The following LANCL3 variants were observed in gnomAD, a reference collection of about 807,000 sequenced individuals.
LANCL3 encodes the protein LanC like family member 3.
In LANCL3, 19 loss-of-function variants were observed where a neutral mutation model predicts 26.5. The ratio of observed to expected loss-of-function variants is 0.72; its 90% CI spans 0.50 to 1.05. The LOEUF is 1.05. Among genes scored for constraint, LANCL3 ranks in the 50% least tolerant of loss-of-function variants. The pLI is 0.00. For missense variants in LANCL3, 318 were observed against 362.7 expected (o/e 0.88, Z 1.00); for synonymous variants, 160 against 166.6 (o/e 0.96, Z 0.30).
chrX:37,571,674 G>C lies in LANCL3; in HGVS notation c.-197G>C. 2.7e-6 allele frequency: 1 copy of C among 374,081 alleles called. No homozygotes were observed. 30.8% of individuals were successfully genotyped at this position (374,081 alleles called of 1,213,427 possible). A position where few individuals can be genotyped will look rare whatever the true frequency, so the allele number is the denominator to read the frequency against. ...ATCGCCCGGGCCACTCGGGAGCCTC[G>C]CGGCAGCCCGGCGCCCCACTTGGCC... On this transcript the variant is annotated 5_prime_UTR_variant, in exon 1 of 5. Transcript: ENST00000378619.
intron 1 of LANCL3, among the ~76,000 whole-genome samples, chrX:37,609,582 A>G (rs999410947): frequency 3.6e-5 from 4 of 111,620 alleles, no homozygotes; most frequent in Admixed American, 9.5e-5. Context: ...TATTAAGTTT[A>G]CCCAAAGTAC....
At chrX:37,590,000 A>G (rs1325071519) in intron 1 of LANCL3, among the ~76,000 whole-genome samples, 8 of 112,114 alleles carry the variant, frequency 7.1e-5, no homozygotes, top group Admixed American at 9.4e-5. Context: ...CAGGGAAAGG[A>G]CTCTTTTCTC....
intron 3 of LANCL3, among the ~76,000 whole-genome samples, chrX:37,662,039 G>A (rs1926434425): frequency 8.9e-6 from 1 of 112,323 alleles, no homozygotes; most frequent in African/African-American, 3.2e-5. Flanking sequence ...TCTGTGAAAT[G>A]AGCACTTTGA....
intron 1 of LANCL3, among the ~76,000 whole-genome samples, chrX:37,612,550 T>C (rs1274026086): frequency 8.9e-6 from 1 of 112,539 alleles, no homozygotes; most frequent in African/African-American, 3.2e-5. Flanking sequence ...AAGTTAACAC[T>C]TGATGTATTA....
intron 1 of LANCL3, among the ~76,000 whole-genome samples, chrX:37,629,261 T>C (rs1556423672): frequency 9.3e-6 from 1 of 107,760 alleles, no homozygotes; most frequent in African/African-American, 3.4e-5. Context: ...GAGAAGTGTC[T>C]GTTCATGTCC....
chrX:37,577,180 G>C (rs1297260607), intron 1 of LANCL3, among the ~76,000 whole-genome samples: 1 of 112,185 alleles, frequency 8.9e-6, no homozygotes, highest in Non-Finnish European at 1.9e-5. Context: ...GGTTATGGGG[G>C]GTCTAAACCC....
At chrX:37,651,093 T>A (rs1421482994) in intron 1 of LANCL3, among the ~76,000 whole-genome samples, 1 of 111,272 alleles carries the variant, frequency 9.0e-6, no homozygotes, top group Non-Finnish European at 1.9e-5. Context: ...TATTCCATGG[T>A]GTATATATGC....
In LANCL3 at chrX:37,634,955, A is replaced by G. The variant is rs200645447; in HGVS notation, c.574-20733A>G. On this transcript the variant is annotated intron_variant, in intron 1 of 4. Coordinates refer to ENST00000378619, the MANE Select transcript of LANCL3 (RefSeq NM_001170331.2). Reference sequence around the variant, plus strand: ...TATTCTTAAAACTCTATGGAATTATATACAAAAATTATAGGAATAAAAATA... The same window carrying G: ...TATTCTTAAAACTCTATGGAATTATGTACAAAAATTATAGGAATAAAAATA... Among the ~76,000 whole-genome samples, 8 of 111,115 alleles carry G rather than the reference A, an allele frequency of 7.2e-5. No homozygotes were observed. The East Asian group carries it at 1.4e-3, about 19-fold the overall frequency.
intron 1 of LANCL3, among the ~76,000 whole-genome samples, chrX:37,635,875 G>T (rs1246383583): frequency 2.7e-5 from 3 of 110,317 alleles, no homozygotes; most frequent in Non-Finnish European, 3.8e-5. Flanking sequence ...GTGTGTCACG[G>T]GGGGTTTGGT....
intron 1 of LANCL3, among the ~76,000 whole-genome samples, chrX:37,642,076 G>A (rs919255210): frequency 8.9e-6 from 1 of 111,895 alleles, no homozygotes. Flanking sequence ...TCTACTCTTT[G>A]TCCCTGGGCT....
intron 1 of LANCL3, among the ~76,000 whole-genome samples, chrX:37,608,277 G>A (rs1269118388): frequency 1.8e-5 from 2 of 111,978 alleles, no homozygotes; most frequent in Non-Finnish European, 3.8e-5. Context: ...TAAGGCAGTG[G>A]TTCTCACAAT....
chrX:37,593,323 T>C (rs1219148402), intron 1 of LANCL3, among the ~76,000 whole-genome samples: 1 of 111,506 alleles, frequency 9.0e-6, no homozygotes, highest in East Asian at 2.8e-4. Context: ...GCTCAATGAA[T>C]ATTGATTTAG....
intron 1 of LANCL3, among the ~76,000 whole-genome samples, chrX:37,602,516 T>TA (rs1924599947): frequency 8.9e-6 from 1 of 111,883 alleles, no homozygotes; most frequent in Non-Finnish European, 1.9e-5. Flanking sequence ...TATAGTTCTT[T>TA]AAAAAATTTT....
At chrX:37,632,152 A>T (rs371803766) in intron 1 of LANCL3, among the ~76,000 whole-genome samples, 1 of 111,888 alleles carries the variant, frequency 8.9e-6, no homozygotes, top group South Asian at 3.7e-4. Flanking sequence ...TTGGTTGCAT[A>T]TATATTTAGG....
At position 37,668,407 on chromosome X, in the gene LANCL3, G is replaced by C. The variant is rs782816061; in HGVS notation, c.1103+918G>C. The C allele has an allele frequency of 4.9e-6, 2 of 408,471 alleles. No individual in the cohort carries two copies. Among genetic ancestry groups the C allele is most frequent in the Non-Finnish European group, 8.9e-6 (2 of 224,958 alleles). The allele number at this position is 408,471 out of a possible 1,213,427, so 33.7% of individuals were successfully genotyped here. On this transcript the variant is annotated intron_variant, in intron 4 of 4. Transcript: ENST00000378619. ...ACTTGATAAAGATGGAACATCTGCT[G>C]TATACCAGACAACATTGCTTTTAAT...
In LANCL3 at chrX:37,583,225, T is replaced by C. The variant is rs782672635; in HGVS notation, c.573+10782T>C. ...TGCTGTTTTGGTTACTGTAGCCTTG[T>C]AGTATAGTTTGAAGTCAGGTAGCGT... On this transcript the variant is annotated intron_variant, in intron 1 of 4. Coordinates refer to ENST00000378619, the MANE Select transcript of LANCL3 (RefSeq NM_001170331.2). Among the ~76,000 whole-genome samples the C allele has an allele frequency of 1.2e-3, 140 of 112,159 alleles. 1 individual carries two copies. The highest frequency in any genetic ancestry group is 4.2e-3 in the African/African-American group (130 of 30,870).
intron 1 of LANCL3, among the ~76,000 whole-genome samples, chrX:37,574,066 A>C (rs1556416085): frequency 9.4e-6 from 1 of 106,942 alleles, no homozygotes; most frequent in African/African-American, 3.4e-5. Flanking sequence ...AAAAAAAAAA[A>C]AAAAAAAAAC....
chrX:37,605,387 C>T (rs934009357), intron 1 of LANCL3, among the ~76,000 whole-genome samples: 5 of 112,097 alleles, frequency 4.5e-5, no homozygotes, highest in Admixed American at 9.4e-5. Flanking sequence ...AGATTTCCTT[C>T]TTAGACCAAT....
chrX:37,619,945 T>C (rs1925109230), intron 1 of LANCL3, among the ~76,000 whole-genome samples: 1 of 112,496 alleles, frequency 8.9e-6, no homozygotes. Flanking sequence ...CTTCAGAGCA[T>C]TTTTCTCCCT....
Sources: gnomAD v4.1 joint callset for allele counts (sites outside exome capture counted in the v4.1 genomes callset) on GRCh38, gnomAD v4.1.1 for gene constraint, MANE v1.5 for transcripts, NCBI Gene and HGNC (gene_info 2026-07-23, HGNC 2026-07-21) for gene names.